Variants in FBXO8 observed in about 807,000 individuals in gnomAD.
The protein encoded by FBXO8 is F-box protein 8.
FBXO8 carries 15 observed loss-of-function variants against 33.4 expected under a neutral mutation model. That is an observed-to-expected ratio of 0.45 (90% CI 0.30 to 0.69). The LOEUF (loss-of-function observed/expected upper bound fraction) is 0.69. Ranked by LOEUF, FBXO8 falls within the 30% of genes least tolerant of loss-of-function variation. The pLI is 0.08. For synonymous variants in FBXO8, 132 were observed against 131.5 expected (o/e 1.00, Z -0.02); for missense variants, 274 against 380.3 (o/e 0.72, Z 2.32).
intron 3 of FBXO8, among the ~76,000 whole-genome samples, chr4:174,242,324 C>T (rs1736058270): frequency 6.6e-6 from 1 of 151,430 alleles, no homozygotes; most frequent in South Asian, 2.1e-4. Context: ...AAAACCTTTT[C>T]AAGATAAAAA....
chr4:174,264,208 A>G (rs896884962), intron 1 of FBXO8, among the ~76,000 whole-genome samples: 1 of 152,218 alleles, frequency 6.6e-6, no homozygotes, highest in Non-Finnish European at 1.5e-5. Context: ...TGTGGCTTCA[A>G]TTAACTGTTT....
intron 3 of FBXO8, among the ~76,000 whole-genome samples, chr4:174,249,032 C>A (rs1736227946): frequency 6.6e-6 from 1 of 151,910 alleles, no homozygotes; most frequent in African/African-American, 2.4e-5. Flanking sequence ...ATAACATGAA[C>A]CTAATTTTCT....
Position 174,256,588 on chromosome 4 carries a change from A to G in FBXO8, c.456+3111T>C, listed in dbSNP as rs886257835. Among the ~76,000 whole-genome samples the G allele has an allele frequency of 6.6e-6, 1 of 152,202 alleles. No individual in the cohort carries two copies. The highest frequency in any genetic ancestry group is 1.9e-4 in the East Asian group (1 of 5,196). ...GTAAACAATTAGCCAAGTTAACATT[A>G]TTTATGTTAGTCAATGAAAGAAAGT... is the stretch of plus-strand genomic sequence containing the variant. On this transcript the variant is annotated intron_variant, in intron 3 of 5. Transcript: ENST00000393674. This position sits in a 1 kb window ranked among gnomAD's most constrained non-coding sequence, Gnocchi z 4.6.
At chr4:174,273,105 T>C (rs976232143) in intron 1 of FBXO8, among the ~76,000 whole-genome samples, 1 of 151,802 alleles carries the variant, frequency 6.6e-6, no homozygotes, top group African/African-American at 2.4e-5. Flanking sequence ...CCGGGCAACA[T>C]AGCGAGACCC....
At position 174,254,952 on chromosome 4, in the gene FBXO8, C is replaced by T. The variant is rs554429194; in HGVS notation, c.456+4747G>A. On this transcript the variant is annotated intron_variant, in intron 3 of 5. Coordinates refer to ENST00000393674, the MANE Select transcript of FBXO8 (RefSeq NM_012180.3). This position sits in a 1 kb window ranked among gnomAD's most constrained non-coding sequence, Gnocchi z 4.2. Reference sequence around the variant, plus strand: ...AAATGTATTCCCTGGAATGTTTTTACCTTCCTCCTCCCAAAAAAGAACACC... The same window carrying T: ...AAATGTATTCCCTGGAATGTTTTTATCTTCCTCCTCCCAAAAAAGAACACC... Among the ~76,000 whole-genome samples, 42 of 152,194 alleles carry T rather than the reference C, an allele frequency of 2.8e-4. No individual in the cohort carries two copies. The highest frequency in any genetic ancestry group is 7.9e-4 in the African/African-American group (33 of 41,556).
chr4:174,259,786 A>G lies in FBXO8; in HGVS notation c.369T>C (p.Asn123=), dbSNP rs759114005. The G allele has an allele frequency of 1.9e-6, 3 of 1,611,280 alleles. No homozygotes were observed. Among genetic ancestry groups the G allele is most frequent in the African/African-American group, 1.3e-5 (1 of 74,778 alleles). ...KSTWGHCSIY[N]KNPPLGFSFR... is the part of the protein sequence containing the mutation. Reference sequence around the variant, plus strand: ...AAGAAAATCCTAAAGGTGGGTTCTTATTGTATATGGAACAGTGACCCCAAG... The same window carrying G: ...AAGAAAATCCTAAAGGTGGGTTCTTGTTGTATATGGAACAGTGACCCCAAG... The change falls in exon 3 of 6, where the codon AAT becomes AAC. Residue 123 remains asparagine, a synonymous_variant. Transcript: ENST00000393674. This position sits in a 1 kb window ranked among gnomAD's most constrained non-coding sequence, Gnocchi z 4.3.
rs1191872841 is a variant in FBXO8 at position 174,254,123 on chromosome 4, T to C, written c.456+5576A>G. Among the ~76,000 whole-genome samples the C allele has an allele frequency of 6.6e-6, 1 of 152,208 alleles. No individual in the cohort carries two copies. Among genetic ancestry groups the C allele is most frequent in the Non-Finnish European group, 1.5e-5 (1 of 68,040 alleles). On this transcript the variant is annotated intron_variant, in intron 3 of 5. Coordinates refer to ENST00000393674, the MANE Select transcript of FBXO8 (RefSeq NM_012180.3). This position sits in a 1 kb window ranked among gnomAD's most constrained non-coding sequence, Gnocchi z 4.2. Reference sequence around the variant, plus strand: ...AGTGGGTACTGCAAGAAGCCAGTCATAAAATGTGGAACATGCTGAGTCGAG... The same window carrying C: ...AGTGGGTACTGCAAGAAGCCAGTCACAAAATGTGGAACATGCTGAGTCGAG...
rs1278335646 is a variant in FBXO8, at chr4:174,267,994, A to T, written c.-8-4894T>A. ...ATTTGTTCACTCAAAATAGGTGGAG[A>T]AAATAGATATTTATTTCTTTGAAAA... On this transcript the variant is annotated intron_variant, in intron 1 of 5. Coordinates refer to ENST00000393674, the MANE Select transcript of FBXO8 (RefSeq NM_012180.3). This position sits in a 1 kb window ranked among gnomAD's most constrained non-coding sequence, Gnocchi z 4.7. Among the ~76,000 whole-genome samples, 2 of 152,216 alleles carry T rather than the reference A, an allele frequency of 1.3e-5. No individual in the cohort carries two copies. Among genetic ancestry groups the T allele is most frequent in the Non-Finnish European group, 2.9e-5 (2 of 68,038 alleles).
chr4:174,260,254 T>G (rs1736521078), intron 2 of FBXO8, among the ~76,000 whole-genome samples: 1 of 151,920 alleles, frequency 6.6e-6, no homozygotes, highest in Non-Finnish European at 1.5e-5. Context: ...TTGCCCAAGA[T>G]CATACGGCTA....
Position 174,241,091 on chromosome 4 carries a change from C to T in FBXO8, c.575+9G>A, listed in dbSNP as rs757685595. 18 of 1,497,506 alleles carry T rather than the reference C, an allele frequency of 1.2e-5. No individual in the cohort carries two copies. Among genetic ancestry groups the T allele is most frequent in the South Asian group, 3.5e-5 (3 of 85,690 alleles). 92.8% of individuals were successfully genotyped at this position (1,497,506 alleles called of 1,614,324 possible). ...TCATTTTGGATGAAAAGTTAATTTT[C>T]GTTTTTACCTTTCATCAAGATAGAT... On this transcript the variant is annotated intron_variant, in intron 4 of 5. Coordinates refer to ENST00000393674, the MANE Select transcript of FBXO8 (RefSeq NM_012180.3). This position sits in a 1 kb window ranked among gnomAD's most constrained non-coding sequence, Gnocchi z 4.2.
Position 174,237,494 on chromosome 4 carries a change from C to T in FBXO8, c.878G>A (p.Arg293His), listed in dbSNP as rs562371532. Residue 293 changes from arginine to histidine, a missense_variant, in exon 6 of 6, where the codon CGT becomes CAT. Arg to His is a conservative substitution (Grantham distance 29, BLOSUM62 0). This residue lies in a region of FBXO8 where 186 missense variants were observed against 293.4 expected (regional missense o/e 0.63). Transcript: ENST00000393674. The surrounding 1 kb of genome is among the most constrained non-coding windows in gnomAD (Gnocchi z 4.4). The stretch of plus-strand genomic sequence containing the variant: ...TTCACTAATATTTTGAGCAGCGCGA[C>T]GGGTATTTCGAATAAATTCCCTTTT... ...MSKREFIRNTRRAAQNISEDF... is the reference protein window; with the variant it reads ...MSKREFIRNTHRAAQNISEDF... 8 of 1,613,760 alleles carry T rather than the reference C, an allele frequency of 5.0e-6. No individual in the cohort carries two copies. The highest frequency in any genetic ancestry group is 1.7e-5 in the Admixed American group (1 of 60,006).
intron 1 of FBXO8, among the ~76,000 whole-genome samples, chr4:174,271,225 T>C (rs529764720): frequency 1.3e-5 from 2 of 152,314 alleles, no homozygotes; most frequent in African/African-American, 4.8e-5. Context: ...TGGCTACTAA[T>C]GAAGCCATGT....
At position 174,256,987 on chromosome 4, in the gene FBXO8, C is replaced by T. The variant is rs192484786; in HGVS notation, c.456+2712G>A. Among the ~76,000 whole-genome samples the T allele has an allele frequency of 3.0e-4, 46 of 152,002 alleles. No individual in the cohort carries two copies. In the East Asian group the frequency reaches 7.4e-3, roughly 24 times the overall value. The stretch of plus-strand genomic sequence containing the variant: ...GGATAGATAAGTAAAATCTGAAGAT[C>T]TAAAAATCTTATTTTAATTAATAAC... On this transcript the variant is annotated intron_variant, in intron 3 of 5. Coordinates refer to ENST00000393674, the MANE Select transcript of FBXO8 (RefSeq NM_012180.3). The surrounding 1 kb of genome is among the most constrained non-coding windows in gnomAD (Gnocchi z 4.6).
chr4:174,243,471 G>T (rs1203445115), intron 3 of FBXO8, among the ~76,000 whole-genome samples: 1 of 148,256 alleles, frequency 6.7e-6, no homozygotes, highest in Non-Finnish European at 1.5e-5. Context: ...TAAGCAAGCT[G>T]TAAGTCACCC....
chr4:174,282,653 A>G (rs1737146492), intron 1 of FBXO8, among the ~76,000 whole-genome samples: 1 of 152,186 alleles, frequency 6.6e-6, no homozygotes, highest in Non-Finnish European at 1.5e-5. Flanking sequence ...TGAAATAGAA[A>G]ACATAAATTG....
intron 4 of FBXO8, among the ~76,000 whole-genome samples, chr4:174,239,883 T>A (rs536319493): frequency 2.0e-5 from 3 of 151,750 alleles, no homozygotes; most frequent in Non-Finnish European, 4.4e-5. Context: ...TGTTACAATG[T>A]CCTTCAATTC....
At position 174,253,320 on chromosome 4, in the gene FBXO8, G is replaced by A. The variant is rs896915884; in HGVS notation, c.456+6379C>T. On this transcript the variant is annotated intron_variant, in intron 3 of 5. Transcript: ENST00000393674. The surrounding 1 kb of genome is among the most constrained non-coding windows in gnomAD (Gnocchi z 4.5). The stretch of plus-strand genomic sequence containing the variant: ...TTTTCTTTTGCCACACTGTGTAGTA[G>A]TATTTCCCTCTGGTTATCAGGCTTA... 6.6e-6 allele frequency among the ~76,000 whole-genome samples: 1 copy of A among 152,186 alleles called. No homozygotes were observed. Among genetic ancestry groups the A allele is most frequent in the Non-Finnish European group, 1.5e-5 (1 of 68,042 alleles).
Position 174,277,209 on chromosome 4 carries a change from C to A in FBXO8, c.-9+6201G>T, listed in dbSNP as rs1248764776. Among the ~76,000 whole-genome samples, 1 of 152,066 alleles carries A rather than the reference C, an allele frequency of 6.6e-6. No individual in the cohort carries two copies. The highest frequency in any genetic ancestry group is 1.5e-5 in the Non-Finnish European group (1 of 67,994). ...TAACTTCTAGAAGATCGTTACATTT[C>A]TAAGAGATGGTATTTTTGACTACTA... On this transcript the variant is annotated intron_variant, in intron 1 of 5. Coordinates refer to ENST00000393674, the MANE Select transcript of FBXO8 (RefSeq NM_012180.3). The surrounding 1 kb of genome is among the most constrained non-coding windows in gnomAD (Gnocchi z 4.9).
At position 174,253,331 on chromosome 4, in the gene FBXO8, T is replaced by A. The variant is rs1448650381; in HGVS notation, c.456+6368A>T. Among the ~76,000 whole-genome samples the A allele has an allele frequency of 3.6e-4, 55 of 152,218 alleles. No individual in the cohort carries two copies. The highest frequency in any genetic ancestry group is 6.2e-4 in the Non-Finnish European group (42 of 68,048). ...CACACTGTGTAGTAGTATTTCCCTCTGGTTATCAGGCTTAACCACTTCAAT... is the reference window on the plus strand; with the variant it reads ...CACACTGTGTAGTAGTATTTCCCTCAGGTTATCAGGCTTAACCACTTCAAT... On this transcript the variant is annotated intron_variant, in intron 3 of 5. Coordinates refer to ENST00000393674, the MANE Select transcript of FBXO8 (RefSeq NM_012180.3). The surrounding 1 kb of genome is among the most constrained non-coding windows in gnomAD (Gnocchi z 4.5).
Sources: allele counts gnomAD v4.1 joint callset (sites outside exome capture counted in the v4.1 genomes callset), GRCh38; gene constraint gnomAD v4.1.1; regional missense constraint gnomAD v4.1.1; non-coding constraint Gnocchi (gnomAD v3.1); transcripts MANE v1.5; gene names NCBI Gene and HGNC (gene_info 2026-07-23, HGNC 2026-07-21).